WDFY3: variants seen among roughly 807,000 people sequenced by gnomAD.
The protein encoded by WDFY3 is WD repeat and FYVE domain-containing protein 3.
In WDFY3, 66 loss-of-function variants were observed where a neutral mutation model predicts 409.6. The observed-to-expected ratio is 0.16, with a 90% CI of 0.13 to 0.20. The LOEUF (loss-of-function observed/expected upper bound fraction) is 0.20. Ranked by LOEUF, WDFY3 falls within the 10% of genes least tolerant of loss-of-function variation. The pLI, the probability that WDFY3 is intolerant of heterozygous loss-of-function variation, is 1.00. For missense variants in WDFY3, 3,031 were observed against 4,298.1 expected (o/e 0.71, Z 8.24); for synonymous variants, 1,521 against 1,537.1 (o/e 0.99, Z 0.25).
At chr4:84,699,253 G>C (rs1216097987) in intron 56 of WDFY3, among the ~76,000 whole-genome samples, 1 of 152,008 alleles carries the variant, frequency 6.6e-6, no homozygotes, top group Non-Finnish European at 1.5e-5. Flanking sequence ...ACCAATCTGT[G>C]TCCTGTCTCT....
intron 2 of WDFY3, among the ~76,000 whole-genome samples, chr4:84,917,944 G>A (rs1258605378): frequency 2.0e-5 from 3 of 152,034 alleles, no homozygotes; most frequent in Non-Finnish European, 2.9e-5. Flanking sequence ...CTGATAGATG[G>A]GAAAGGATGT....
chr4:84,797,233 T>G (rs1749612253), intron 18 of WDFY3, among the ~76,000 whole-genome samples: 1 of 152,164 alleles, frequency 6.6e-6, no homozygotes, highest in Non-Finnish European at 1.5e-5. Context: ...TTCCCCATTA[T>G]TAATTCTTTC....
chr4:84,892,377 T>A (rs1323514832), intron 3 of WDFY3, among the ~76,000 whole-genome samples: 1 of 151,648 alleles, frequency 6.6e-6, no homozygotes, highest in Admixed American at 6.6e-5. Flanking sequence ...AAAAGGACTC[T>A]AAAAAAAAGT....
chr4:84,722,279 T>C (rs1250958507), intron 46 of WDFY3, among the ~76,000 whole-genome samples: 2 of 152,026 alleles, frequency 1.3e-5, no homozygotes, highest in Non-Finnish European at 2.9e-5. Flanking sequence ...TCCCAGCTAC[T>C]CAGGAGGCTG....
intron 55 of WDFY3, among the ~76,000 whole-genome samples, chr4:84,703,044 C>A (rs1731315499): frequency 6.6e-6 from 1 of 151,694 alleles, no homozygotes; most frequent in Admixed American, 6.6e-5. Context: ...CTGCAGTGAG[C>A]CGAGATCGTG....
intron 2 of WDFY3, among the ~76,000 whole-genome samples, chr4:84,901,078 TCA>T (rs1766279143): frequency 1.3e-5 from 2 of 152,150 alleles, no homozygotes; most frequent in African/African-American, 4.8e-5. Flanking sequence ...GCGTGTGTCC[TCA>T]CATGGCAGAA....
At chr4:84,834,334 C>T (rs1224155779) in intron 7 of WDFY3, among the ~76,000 whole-genome samples, 1 of 152,080 alleles carries the variant, frequency 6.6e-6, no homozygotes, top group Non-Finnish European at 1.5e-5. Context: ...TTTTACAGAA[C>T]AGAAAACTGT....
chr4:84,766,527 T>C (rs1447606751), intron 30 of WDFY3, among the ~76,000 whole-genome samples, 155 bp from the exon 31 acceptor site: 1 of 152,226 alleles, frequency 6.6e-6, no homozygotes, highest in African/African-American at 2.4e-5. Flanking sequence ...AAAGGGTCAG[T>C]TAAATATTTC....
intron 2 of WDFY3, among the ~76,000 whole-genome samples, chr4:84,911,116 TC>T (rs1224927815): frequency 6.6e-6 from 1 of 152,052 alleles, no homozygotes; most frequent in Non-Finnish European, 1.5e-5. Flanking sequence ...AAGGACACTA[TC>T]AACAGAGTAA....
chr4:84,835,195 C>T (rs1030966339), intron 7 of WDFY3, among the ~76,000 whole-genome samples: 2 of 152,146 alleles, frequency 1.3e-5, no homozygotes, highest in African/African-American at 4.8e-5. Flanking sequence ...AAAAACTTTG[C>T]TATGCTTATG....
chr4:84,922,236 C>A (rs1467489594), intron 2 of WDFY3, among the ~76,000 whole-genome samples: 2 of 152,012 alleles, frequency 1.3e-5, no homozygotes, highest in Non-Finnish European at 2.9e-5. Flanking sequence ...ATATTTTACA[C>A]TGAGAATATA....
chr4:84,920,271 A>G (rs1198422258), intron 2 of WDFY3, among the ~76,000 whole-genome samples: 4 of 152,176 alleles, frequency 2.6e-5, no homozygotes. Context: ...CAGATAACAA[A>G]ATTAGAAAAC....
chr4:84,796,460 T>C (rs1411452646), intron 19 of WDFY3, 61 bp downstream of exon 19: 2 of 1,069,326 alleles, frequency 1.9e-6, no homozygotes, highest in Non-Finnish European at 1.3e-6. Context: ...CAAAGATCTA[T>C]TTGTAAAGGC....
At chr4:84,911,997 G>C (rs550834198) in intron 2 of WDFY3, among the ~76,000 whole-genome samples, 1 of 152,270 alleles carries the variant, frequency 6.6e-6, no homozygotes, top group East Asian at 1.9e-4. Context: ...CAAATGTTGC[G>C]AGTATTCATT....
chr4:84,778,343 A>G (rs1318139911), intron 27 of WDFY3, among the ~76,000 whole-genome samples, 160 bp downstream of exon 27: 1 of 152,176 alleles, frequency 6.6e-6, no homozygotes, highest in Non-Finnish European at 1.5e-5. Flanking sequence ...AAGGAACCCC[A>G]GCATTATTCT....
In WDFY3 at chr4:84,808,049, G is replaced by GT. The variant is rs959609101; in HGVS notation, c.2429+284dup. Reference sequence around the variant, plus strand: ...CTAACTTATTTTTAATAAAAGACATGTTTTTTCTATAACAAAAATGTGTAG... The same window carrying GT: ...CTAACTTATTTTTAATAAAAGACATGTTTTTTTCTATAACAAAAATGTGTAG... On this transcript the variant is annotated intron_variant, in intron 15 of 67. Coordinates refer to ENST00000295888, the MANE Select transcript of WDFY3 (RefSeq NM_014991.6). 5.9e-5 allele frequency among the ~76,000 whole-genome samples: 9 copies of GT among 151,996 alleles called. 1 individual carries two copies. In the South Asian group the frequency reaches 8.3e-4, roughly 14 times the overall value.
At chr4:84,948,562 A>C (rs1206793319) in intron 1 of WDFY3, among the ~76,000 whole-genome samples, 1 of 152,182 alleles carries the variant, frequency 6.6e-6, no homozygotes, top group Non-Finnish European at 1.5e-5. Context: ...ATGTTTTTGC[A>C]GTTTCGCCCC....
At chr4:84,709,088 T>A (rs1240718740) in intron 52 of WDFY3, 60 bp from the exon 53 acceptor site, 1 of 1,585,458 alleles carries the variant, frequency 6.3e-7, no homozygotes, top group Non-Finnish European at 8.6e-7. Context: ...GTTCAGCTTT[T>A]AAAATTTTAT....
chr4:84,798,243 A>T, intron 17 of WDFY3, 135 bp from the exon 18 acceptor site: 1 of 678,776 alleles, frequency 1.5e-6, no homozygotes, highest in African/African-American at 1.8e-5. Flanking sequence ...TAATAAAACA[A>T]TATAGTGTTA....
Sources: allele counts gnomAD v4.1 joint callset (sites outside exome capture counted in the v4.1 genomes callset), GRCh38; gene constraint gnomAD v4.1.1; transcripts MANE v1.5; gene names NCBI Gene and HGNC (gene_info 2026-07-23, HGNC 2026-07-21).